Variants in ZFYVE9 observed in about 807,000 individuals in gnomAD.
ZFYVE9 encodes zinc finger FYVE-type containing 9, also known as zinc finger FYVE domain-containing protein 9.
ZFYVE9 carries 43 observed loss-of-function variants against 126.7 expected under a neutral mutation model. That is an observed-to-expected ratio of 0.34 (90% CI 0.27 to 0.44). The LOEUF is 0.44. Among genes scored for constraint, ZFYVE9 ranks in the 20% least tolerant of loss-of-function variants. The pLI is 1.00. For missense variants in ZFYVE9, 1,476 were observed against 1,697.0 expected, an observed-to-expected ratio of 0.87 and a Z score of 2.29; for synonymous variants, 521 against 597.4, an observed-to-expected ratio of 0.87 and a Z score of 1.87.
intron 13 of ZFYVE9, among the ~76,000 whole-genome samples, chr1:52,309,454 G>C (rs545873832): frequency 6.6e-6 from 1 of 152,284 alleles, no homozygotes; most frequent in South Asian, 2.1e-4. Flanking sequence ...ACTCCAGCCT[G>C]GGTGACAGAG....
intron 13 of ZFYVE9, among the ~76,000 whole-genome samples, chr1:52,320,147 T>C (rs922384964): frequency 7.3e-5 from 11 of 150,860 alleles, no homozygotes; most frequent in African/African-American, 2.7e-4. Context: ...CTCAGCTCAC[T>C]GCAACCTCCG....
At position 52,344,544 on chromosome 1, in the gene ZFYVE9, C is replaced by A. The variant is rs555512446; in HGVS notation, c.3940-224C>A. Among the ~76,000 whole-genome samples, 3 of 152,180 alleles carry A rather than the reference C, an allele frequency of 2.0e-5. No homozygotes were observed. In the East Asian group the frequency reaches 5.8e-4, roughly 29 times the overall value. ...GGCTTGCAGGGAGTTAGGCAGGCTGCTGCTGTCATTTTGTGGATGCAGAGA... is the reference window on the plus strand; with the variant it reads ...GGCTTGCAGGGAGTTAGGCAGGCTGATGCTGTCATTTTGTGGATGCAGAGA... On this transcript the variant is annotated intron_variant, in intron 17 of 18. Coordinates refer to ENST00000287727, the MANE Select transcript of ZFYVE9 (RefSeq NM_004799.4).
chr1:52,273,239 T>A (rs1645712463), intron 7 of ZFYVE9, among the ~76,000 whole-genome samples: 1 of 151,810 alleles, frequency 6.6e-6, no homozygotes, highest in African/African-American at 2.4e-5. Context: ...ACTCCTGACC[T>A]CAGGTGATCC....
intron 10 of ZFYVE9, among the ~76,000 whole-genome samples, chr1:52,283,797 G>A (rs1220931237): frequency 6.6e-6 from 1 of 152,080 alleles, no homozygotes; most frequent in East Asian, 1.9e-4. Flanking sequence ...GGTTATGTGG[G>A]TGTTTGCCAA....
At chr1:52,197,621 G>GAATT (rs1644873742) in intron 1 of ZFYVE9, among the ~76,000 whole-genome samples, 1 of 7,710 alleles carries the variant, frequency 1.3e-4, no homozygotes, top group African/African-American at 1.6e-4. Context: ...AAGAAAGTAA[G>GAATT]AATTTGTAGT....
At chr1:52,189,210 T>TA (rs1446689829) in intron 1 of ZFYVE9, among the ~76,000 whole-genome samples, 3 of 151,612 alleles carry the variant, frequency 2.0e-5, no homozygotes, top group Non-Finnish European at 4.4e-5. Flanking sequence ...GTGCTAGGAT[T>TA]ACAGGCATGA....
chr1:52,283,074 C>T (rs901890476), intron 10 of ZFYVE9, among the ~76,000 whole-genome samples: 7 of 151,970 alleles, frequency 4.6e-5, no homozygotes, highest in African/African-American at 1.5e-4. Flanking sequence ...TAATGTTTAC[C>T]CTGTCTGTTC....
chr1:52,334,110 CTT>C (rs1646368959), intron 14 of ZFYVE9, among the ~76,000 whole-genome samples: 1 of 149,536 alleles, frequency 6.7e-6, no homozygotes, highest in African/African-American at 2.5e-5. Context: ...AAAAAAAAAA[CTT>C]AGCAGATAAA....
At chr1:52,212,953 T>C (rs1453028036) in intron 1 of ZFYVE9, among the ~76,000 whole-genome samples, 1 of 152,218 alleles carries the variant, frequency 6.6e-6, no homozygotes. Context: ...TTTCCTCTCA[T>C]GTATCTTGAA....
At chr1:52,338,040 C>A in intron 16 of ZFYVE9, 106 bp downstream of exon 16, 1 of 1,364,840 alleles carries the variant, frequency 7.3e-7, no homozygotes, top group Non-Finnish European at 9.8e-7. Flanking sequence ...AAAGCCCTGC[C>A]TAAGAGAAAG....
chr1:52,176,927 C>G (rs537888264), intron 1 of ZFYVE9, among the ~76,000 whole-genome samples: 1 of 152,260 alleles, frequency 6.6e-6, no homozygotes, highest in East Asian at 1.9e-4. Context: ...AGGGAACTCC[C>G]TGACTCCTTG....
chr1:52,268,647 C>T lies in ZFYVE9; in HGVS notation c.2625+15C>T, dbSNP rs777829913. ...TACCAGCAGAGGTAAGAAAACAAAACAGCAACTAAAATTGCATAGCTACTT... is the reference window on the plus strand; with the variant it reads ...TACCAGCAGAGGTAAGAAAACAAAATAGCAACTAAAATTGCATAGCTACTT... On this transcript the variant is annotated intron_variant, in intron 7 of 18. Transcript: ENST00000287727. 9.9e-6 allele frequency: 16 copies of T among 1,610,876 alleles called. No individual in the cohort carries two copies. The highest frequency in any genetic ancestry group is 1.2e-5 in the Non-Finnish European group (14 of 1,177,888).
intron 17 of ZFYVE9, among the ~76,000 whole-genome samples, chr1:52,343,007 C>T (rs1055736173): frequency 1.3e-5 from 2 of 151,260 alleles, no homozygotes; most frequent in Non-Finnish European, 2.9e-5. Context: ...CCCAGGTCCA[C>T]GCCATTCTCC....
chr1:52,259,265 T>C (rs2147792142), intron 4 of ZFYVE9, among the ~76,000 whole-genome samples: 1 of 152,272 alleles, frequency 6.6e-6, no homozygotes, highest in East Asian at 1.9e-4. Flanking sequence ...ACTACCCTAA[T>C]CACTTCATTT....
At position 52,142,206 on chromosome 1, in the gene ZFYVE9, C is replaced by G. The variant is rs1644264421; in HGVS notation, c.-340C>G. ...TCCTCCGGGATCCGCGTGGCTGCCG[C>G]GGCCCGGGCGCCGATGCGGCTGGGC... On this transcript the variant is annotated 5_prime_UTR_variant, in exon 1 of 19. Transcript: ENST00000287727. This position sits in a 1 kb window ranked among gnomAD's most constrained non-coding sequence, Gnocchi z 4.5. The G allele has an allele frequency of 6.6e-6, 1 of 151,464 alleles. No homozygotes were observed. Among genetic ancestry groups the G allele is most frequent in the Non-Finnish European group, 1.5e-5 (1 of 67,730 alleles). The allele number at this position is 151,464 out of a possible 1,614,324, so 9.4% of individuals were successfully genotyped here. A position where few individuals can be genotyped will look rare whatever the true frequency, so the allele number is the denominator to read the frequency against.
At chr1:52,202,405 A>G (rs568793817) in intron 1 of ZFYVE9, among the ~76,000 whole-genome samples, 8 of 151,886 alleles carry the variant, frequency 5.3e-5, no homozygotes, top group Non-Finnish European at 1.2e-4. Flanking sequence ...TTAGGCTCCC[A>G]AGTAGCTGGG....
At chr1:52,174,861 A>G (rs1644609323) in intron 1 of ZFYVE9, among the ~76,000 whole-genome samples, 1 of 151,960 alleles carries the variant, frequency 6.6e-6, no homozygotes, top group African/African-American at 2.4e-5. Context: ...TGCTTGGTAG[A>G]TCTTCCTCCA....
At chr1:52,322,013 C>T (rs938398461) in intron 13 of ZFYVE9, among the ~76,000 whole-genome samples, 3 of 152,176 alleles carry the variant, frequency 2.0e-5, no homozygotes, top group African/African-American at 7.2e-5. Context: ...GTAGACTTGA[C>T]TGTCTTATTG....
intron 1 of ZFYVE9, among the ~76,000 whole-genome samples, chr1:52,175,640 AC>A (rs1644619370): frequency 6.6e-6 from 1 of 151,946 alleles, no homozygotes; most frequent in Non-Finnish European, 1.5e-5. Context: ...TTTCAGGTAC[AC>A]CATTCAGATG....
Sources: gnomAD v4.1 joint callset for allele counts (sites outside exome capture counted in the v4.1 genomes callset) on GRCh38, gnomAD v4.1.1 for gene constraint, Gnocchi (gnomAD v3.1) non-coding constraint, MANE v1.5 for transcripts, NCBI Gene and HGNC (gene_info 2026-07-23, HGNC 2026-07-21) for gene names.